NEDD4L: variants seen among roughly 807,000 people sequenced by gnomAD.
NEDD4L encodes the protein NEDD4 like E3 ubiquitin protein ligase.
Under a neutral mutation model 148.9 loss-of-function variants are expected in NEDD4L, and 54 were observed. The observed-to-expected ratio is 0.36, with a 90% CI of 0.29 to 0.45. The LOEUF is 0.45. NEDD4L is among the 20% of genes least tolerant of loss of function. The pLI, the probability that NEDD4L is intolerant of heterozygous loss-of-function variation, is 1.00. For synonymous variants in NEDD4L, 433 were observed against 440.7 expected (o/e 0.98, Z 0.22); for missense variants, 856 against 1,233.8 (o/e 0.69, Z 4.59).
At chr18:58,161,435 CTTTTTTTTT>C (rs55873387) in intron 1 of NEDD4L, among the ~76,000 whole-genome samples, 5 of 140,284 alleles carry the variant, frequency 3.6e-5, no homozygotes, top group African/African-American at 5.2e-5. Flanking sequence ...TTTTCTTTTT[CTTTTTTTTT>C]TTTTTTTTAA....
At chr18:58,126,068 T>C (rs758948601) in intron 1 of NEDD4L, among the ~76,000 whole-genome samples, 10 of 152,248 alleles carry the variant, frequency 6.6e-5, no homozygotes, top group Non-Finnish European at 1.3e-4. Context: ...CCTTTAGCCT[T>C]GAAGGGGACC....
At chr18:58,174,430 G>A (rs773843960) in intron 2 of NEDD4L, among the ~76,000 whole-genome samples, 4 of 152,124 alleles carry the variant, frequency 2.6e-5, no homozygotes, top group Non-Finnish European at 2.9e-5. Context: ...TTTTTGGCTC[G>A]AAGGTGGGGT....
chr18:58,188,035 A>C (rs957080338), intron 2 of NEDD4L, among the ~76,000 whole-genome samples: 2 of 152,212 alleles, frequency 1.3e-5, no homozygotes, highest in African/African-American at 4.8e-5. Context: ...TTGAGGGCTA[A>C]AAGAAAGGAG....
chr18:58,103,864 G>GA (rs1353922469), intron 1 of NEDD4L, among the ~76,000 whole-genome samples: 7 of 152,328 alleles, frequency 4.6e-5, no homozygotes, highest in Admixed American at 2.6e-4. Flanking sequence ...TGGTTGTGAA[G>GA]AAAAGAATAA....
At chr18:58,289,780 A>G (rs1254576154) in intron 5 of NEDD4L, among the ~76,000 whole-genome samples, 1 of 152,244 alleles carries the variant, frequency 6.6e-6, no homozygotes, top group Admixed American at 6.5e-5. Context: ...TTTCAGGGTT[A>G]CCAGAGTTAT....
At chr18:58,122,496 TA>T (rs1337412138) in intron 1 of NEDD4L, among the ~76,000 whole-genome samples, 1 of 139,404 alleles carries the variant, frequency 7.2e-6, no homozygotes, top group Non-Finnish European at 1.7e-5. Flanking sequence ...AAATTCTGTC[TA>T]AAATAAAATA....
At chr18:58,356,122 T>A (rs756184413) in intron 18 of NEDD4L, among the ~76,000 whole-genome samples, 2 of 151,764 alleles carry the variant, frequency 1.3e-5, no homozygotes, top group Non-Finnish European at 2.9e-5. Context: ...CTGGCTAATT[T>A]TTTTTTTTAA....
intron 2 of NEDD4L, among the ~76,000 whole-genome samples, chr18:58,184,465 C>T (rs535926131): frequency 5.3e-5 from 8 of 151,886 alleles, no homozygotes; most frequent in Non-Finnish European, 1.0e-4. Context: ...CACTAGCATC[C>T]GTCATCTTAG....
intron 19 of NEDD4L, among the ~76,000 whole-genome samples, chr18:58,363,391 G>C (rs909414327): frequency 6.6e-6 from 1 of 152,122 alleles, no homozygotes; most frequent in African/African-American, 2.4e-5. Flanking sequence ...AAAGCAATGA[G>C]TTGTTTTCGA....
At chr18:58,268,023 G>A (rs2050471152) in intron 5 of NEDD4L, among the ~76,000 whole-genome samples, 1 of 151,886 alleles carries the variant, frequency 6.6e-6, no homozygotes, top group Non-Finnish European at 1.5e-5. Flanking sequence ...CCTTCTGATG[G>A]TCCCCTGAAA....
At chr18:58,196,422 T>C (rs1385100054) in intron 2 of NEDD4L, among the ~76,000 whole-genome samples, 2 of 152,326 alleles carry the variant, frequency 1.3e-5, no homozygotes, top group East Asian at 3.9e-4. Flanking sequence ...GATTAAATGA[T>C]TTTGCTCTTA....
At chr18:58,162,675 A>G (rs34479059) in intron 1 of NEDD4L, among the ~76,000 whole-genome samples, 24,665 of 150,942 alleles carry the variant, frequency 0.16, 2,530 homozygotes, top group East Asian at 0.44. Flanking sequence ...CTCTATCTCC[A>G]GATAACGTGT....
At chr18:58,369,944 C>T (rs1280486768) in intron 22 of NEDD4L, among the ~76,000 whole-genome samples, 1 of 152,324 alleles carries the variant, frequency 6.6e-6, no homozygotes, top group East Asian at 1.9e-4. Flanking sequence ...CCTGGCCTTT[C>T]ACTGACTCCC....
rs1025301083 is a variant in NEDD4L at position 58,345,636 on chromosome 18, T to G, written c.1575+2533T>G. Among the ~76,000 whole-genome samples the G allele has an allele frequency of 3.3e-5, 5 of 152,290 alleles. No homozygotes were observed. In the East Asian group the frequency reaches 9.6e-4, roughly 29 times the overall value. On this transcript the variant is annotated intron_variant, in intron 16 of 30. Coordinates refer to ENST00000400345, the MANE Select transcript of NEDD4L (RefSeq NM_001144967.3). ...TCTATACATTGAGAAATTAAAAAATTTATTGAAATATGTCATGAAAGATGA... is the reference window on the plus strand; with the variant it reads ...TCTATACATTGAGAAATTAAAAAATGTATTGAAATATGTCATGAAAGATGA...
At chr18:58,154,067 G>C (rs1280131352) in intron 1 of NEDD4L, among the ~76,000 whole-genome samples, 1 of 152,216 alleles carries the variant, frequency 6.6e-6, no homozygotes, top group Non-Finnish European at 1.5e-5. Flanking sequence ...ACTGAGTAGA[G>C]GTTGATCGAT....
chr18:58,201,895 ACT>A (rs1021477984), intron 2 of NEDD4L, among the ~76,000 whole-genome samples: 1 of 151,818 alleles, frequency 6.6e-6, no homozygotes, highest in African/African-American at 2.4e-5. Context: ...TCTTTTTATA[ACT>A]CTGTGCTATA....
intron 26 of NEDD4L, among the ~76,000 whole-genome samples, chr18:58,386,789 C>T: frequency 6.6e-6 from 1 of 152,188 alleles, no homozygotes; most frequent in Admixed American, 6.5e-5. Context: ...GGGCAGCACA[C>T]TCAGAAACAG....
At chr18:58,071,301 G>A (rs1414588614) in intron 1 of NEDD4L, among the ~76,000 whole-genome samples, 3 of 152,202 alleles carry the variant, frequency 2.0e-5, no homozygotes, top group Middle Eastern at 6.8e-3. Context: ...GGGTGACAGA[G>A]CAAGACTCTG....
At chr18:58,061,494 T>C (rs1173203765) in intron 1 of NEDD4L, among the ~76,000 whole-genome samples, 1 of 148,096 alleles carries the variant, frequency 6.8e-6, no homozygotes, top group Admixed American at 6.7e-5. Flanking sequence ...TTTTTTTTTT[T>C]CTTTCTGTCA....
Sources: gnomAD v4.1 joint callset for allele counts (sites outside exome capture counted in the v4.1 genomes callset) on GRCh38, gnomAD v4.1.1 for gene constraint, MANE v1.5 for transcripts, NCBI Gene and HGNC (gene_info 2026-07-23, HGNC 2026-07-21) for gene names.